The following STRN3 variants were observed in gnomAD, a reference collection of about 807,000 sequenced individuals.
STRN3 encodes the protein striatin 3.
In STRN3, 29 loss-of-function variants were observed where a neutral mutation model predicts 95.6. The ratio of observed to expected loss-of-function variants is 0.30; its 90% CI spans 0.23 to 0.41. STRN3 has a LOEUF of 0.41. STRN3 is among the 10% of genes least tolerant of loss of function. The pLI, the probability that STRN3 is intolerant of heterozygous loss-of-function variation, is 1.00. For synonymous variants in STRN3, 331 were observed against 357.6 expected, an observed-to-expected ratio of 0.93 and a Z score of 0.84; for missense variants, 890 against 972.1, an observed-to-expected ratio of 0.92 and a Z score of 1.12.
Position 30,920,434 on chromosome 14 carries a change from C to T in STRN3, c.1100-1328G>A, listed in dbSNP as rs889273403. On this transcript the variant is annotated intron_variant, in intron 8 of 17. Coordinates refer to ENST00000357479, the MANE Select transcript of STRN3 (RefSeq NM_001083893.2). ...ATGTCCAACCACCAGTTACATTCAA[C>T]GTAAAAGAACATAAACATTATTCTT... Among the ~76,000 whole-genome samples, 7 of 152,206 alleles carry T rather than the reference C, an allele frequency of 4.6e-5. No homozygotes were observed. The East Asian group carries it at 5.8e-4, about 13-fold the overall frequency.
intron 7 of STRN3, among the ~76,000 whole-genome samples, chr14:30,933,868 T>C (rs1486255197): frequency 6.6e-6 from 1 of 152,218 alleles, no homozygotes; most frequent in Non-Finnish European, 1.5e-5. Flanking sequence ...ATAAATGTAT[T>C]ACATATTAGG....
At chr14:30,974,175 G>A (rs1300215954) in intron 1 of STRN3, among the ~76,000 whole-genome samples, 1 of 152,130 alleles carries the variant, frequency 6.6e-6, no homozygotes, top group Non-Finnish European at 1.5e-5. Context: ...CAGATATGAT[G>A]TAGAAACTCA....
At chr14:30,911,228 C>T in intron 12 of STRN3, 66 bp from the exon 13 acceptor site, 1 of 1,507,742 alleles carries the variant, frequency 6.6e-7, no homozygotes, top group South Asian at 1.3e-5. Flanking sequence ...AATCTCCATT[C>T]CCCCAACCTC....
At chr14:30,984,997 C>A (rs1007118420) in intron 1 of STRN3, among the ~76,000 whole-genome samples, 1 of 151,888 alleles carries the variant, frequency 6.6e-6, no homozygotes, top group Non-Finnish European at 1.5e-5. Flanking sequence ...GATGTAATTG[C>A]GGAATACTTT....
At chr14:30,940,592 C>A (rs930403131) in intron 5 of STRN3, among the ~76,000 whole-genome samples, 2 of 152,122 alleles carry the variant, frequency 1.3e-5, no homozygotes, top group African/African-American at 4.8e-5. Flanking sequence ...AGAATTTCCT[C>A]TTAATTTTTA....
intron 8 of STRN3, among the ~76,000 whole-genome samples, chr14:30,923,829 T>C (rs558878340): frequency 1.3e-5 from 2 of 152,140 alleles, no homozygotes; most frequent in Non-Finnish European, 2.9e-5. Flanking sequence ...TCTTAAAAGA[T>C]TTTTAGCTGC....
At chr14:30,956,503 A>C (rs1879912122) in intron 1 of STRN3, among the ~76,000 whole-genome samples, 1 of 152,158 alleles carries the variant, frequency 6.6e-6, no homozygotes, top group African/African-American at 2.4e-5. Flanking sequence ...AAATTTTTTA[A>C]ATTGGCCAGG....
chr14:30,947,362 T>C (rs780876600), intron 4 of STRN3, 99 bp from the exon 5 acceptor site: 12 of 923,844 alleles, frequency 1.3e-5, no homozygotes, highest in Non-Finnish European at 1.7e-5. Flanking sequence ...CTATAAAATA[T>C]GCTCTCCCTT....
intron 16 of STRN3, 92 bp from the exon 17 acceptor site, chr14:30,895,840 CATT>C (rs1896131672): frequency 2.7e-6 from 3 of 1,094,298 alleles, no homozygotes; most frequent in Non-Finnish European, 3.9e-6. Context: ...ATAAAACAAT[CATT>C]ATAGCAACTT....
rs537127105 is a variant in STRN3 at position 30,957,613 on chromosome 14, T to C, written c.283-1371A>G. Among the ~76,000 whole-genome samples, 5 of 152,348 alleles carry C rather than the reference T, an allele frequency of 3.3e-5. No individual in the cohort carries two copies. In the East Asian group the frequency reaches 9.6e-4, roughly 29 times the overall value. On this transcript the variant is annotated intron_variant, in intron 1 of 17. Transcript: ENST00000357479. The stretch of plus-strand genomic sequence containing the variant: ...TATATTCCATTACCTCATTGCTTTC[T>C]ATTGTCATTTTTCCACTGTGAGAGA...
chr14:30,982,955 T>C (rs1881484657), intron 1 of STRN3, among the ~76,000 whole-genome samples: 2 of 152,070 alleles, frequency 1.3e-5, no homozygotes, highest in South Asian at 4.2e-4. Flanking sequence ...TAATCTATAA[T>C]AAAAGTTAAA....
At chr14:31,000,073 T>C (rs1443302909) in intron 1 of STRN3, among the ~76,000 whole-genome samples, 2 of 152,116 alleles carry the variant, frequency 1.3e-5, no homozygotes, top group African/African-American at 2.4e-5. Flanking sequence ...ATTATTCCCA[T>C]ATTAAAACAG....
In STRN3 at chr14:30,982,132, A is replaced by G. The variant is rs561173765; in HGVS notation, c.283-25890T>C. 5.4e-4 allele frequency among the ~76,000 whole-genome samples: 79 copies of G among 147,398 alleles called. No homozygotes were observed. In the South Asian group the frequency reaches 0.014, roughly 26 times the overall value. ...AAAAAAAAAAAAGAATTCCAAGGGG[A>G]AAAAAAAAGACTAAACAGTAATTAG... On this transcript the variant is annotated intron_variant, in intron 1 of 17. Transcript: ENST00000357479.
At chr14:30,936,459 T>C (rs1878822557) in intron 6 of STRN3, 36 bp downstream of exon 6, 2 of 1,592,386 alleles carry the variant, frequency 1.3e-6, no homozygotes, top group Non-Finnish European at 8.5e-7. Context: ...ACTACATGAA[T>C]ATATAGCTAA....
chr14:30,911,298 T>A, intron 12 of STRN3, 136 bp from the exon 13 acceptor site: 15 of 498,228 alleles, frequency 3.0e-5, no homozygotes, highest in South Asian at 6.4e-5. Flanking sequence ...ACTGGTACTT[T>A]TTTTTTTTTT....
chr14:30,985,789 C>A (rs1301813636), intron 1 of STRN3, among the ~76,000 whole-genome samples: 1 of 152,176 alleles, frequency 6.6e-6, no homozygotes, highest in African/African-American at 2.4e-5. Context: ...ACACTTACAT[C>A]TTTTGCTAAT....
At chr14:31,014,117 T>C (rs917360141) in intron 1 of STRN3, among the ~76,000 whole-genome samples, 11 of 151,768 alleles carry the variant, frequency 7.2e-5, no homozygotes, top group African/African-American at 2.2e-4. Flanking sequence ...GTTGCCCAGA[T>C]TGGTCTTGAA....
intron 5 of STRN3, among the ~76,000 whole-genome samples, chr14:30,937,009 A>G (rs1194846920): frequency 6.6e-6 from 1 of 152,220 alleles, no homozygotes; most frequent in Non-Finnish European, 1.5e-5. Flanking sequence ...TTGAGGACTA[A>G]AACAGTAAAT....
chr14:30,941,374 AG>A (rs557216618), intron 5 of STRN3, among the ~76,000 whole-genome samples: 18 of 152,312 alleles, frequency 1.2e-4, no homozygotes, highest in Middle Eastern at 3.4e-3. Context: ...CTTGCTTGTA[AG>A]GGATAAAAGC....
Sources: allele counts gnomAD v4.1 joint callset (sites outside exome capture counted in the v4.1 genomes callset), GRCh38; gene constraint gnomAD v4.1.1; transcripts MANE v1.5; gene names NCBI Gene and HGNC (gene_info 2026-07-23, HGNC 2026-07-21).